NWD1: variants seen among roughly 807,000 people sequenced by gnomAD.
NWD1 encodes the protein NACHT domain- and WD repeat-containing protein 1.
A neutral mutation model predicts 135.1 loss-of-function variants in NWD1; 129 were observed. The observed-to-expected ratio is 0.96, with a 90% confidence interval of 0.83 to 1.11. The LOEUF is 1.11. NWD1 is among the 50% of genes least tolerant of loss of function. The probability of loss-of-function intolerance (pLI) is 0.00; values close to 1 mark genes in which losing one functional copy is unlikely to be tolerated. For synonymous variants in NWD1, 773 were observed against 786.0 expected, an observed-to-expected ratio of 0.98 and a Z score of 0.28; for missense variants, 1,740 against 1,851.3, an observed-to-expected ratio of 0.94 and a Z score of 1.10.
chr19:16,803,134 A>G (rs1412568654), intron 17 of NWD1, among the ~76,000 whole-genome samples: 1 of 152,078 alleles, frequency 6.6e-6, no homozygotes, highest in East Asian at 1.9e-4. Context: ...CCTTTACAAA[A>G]CCATCAGATC....
At chr19:16,747,593 G>C (rs1014425503) in intron 5 of NWD1, among the ~76,000 whole-genome samples, 1 of 151,500 alleles carries the variant, frequency 6.6e-6, no homozygotes, top group African/African-American at 2.4e-5. Flanking sequence ...GGCTGGTCTC[G>C]AACTCCTGAG....
At chr19:16,796,400 T>C (rs1285667038) in intron 15 of NWD1, among the ~76,000 whole-genome samples, 1 of 152,082 alleles carries the variant, frequency 6.6e-6, no homozygotes, top group East Asian at 1.9e-4. Context: ...AGGTGAAGAT[T>C]GCAGTGAGCC....
chr19:16,788,922 TA>T, intron 12 of NWD1, 59 bp from the exon 13 acceptor site: 1 of 1,146,982 alleles, frequency 8.7e-7, no homozygotes, highest in Admixed American at 1.7e-5. Context: ...AGCATTTTAA[TA>T]GTTGCAAGGC....
chr19:16,762,262 A>T, intron 8 of NWD1, 124 bp downstream of exon 8: 1 of 722,788 alleles, frequency 1.4e-6, no homozygotes, highest in East Asian at 2.9e-5. Flanking sequence ...TTCCGCACAG[A>T]GGGCAAGATG....
rs534834276 is a variant in NWD1 at position 16,723,407 on chromosome 19, C to T, written c.-104-959C>T. Among the ~76,000 whole-genome samples the T allele has an allele frequency of 2.0e-5, 3 of 152,230 alleles. No homozygotes were observed. In the South Asian group the frequency reaches 6.2e-4, roughly 32 times the overall value. On this transcript the variant is annotated intron_variant, in intron 1 of 18. Coordinates refer to ENST00000524140, the MANE Select transcript of NWD1 (RefSeq NM_001007525.5). ...AGAAATGGGGTTTCACCATGTTGCC[C>T]AGGCTGGTCTTGAACCCTTGGACTC...
intron 8 of NWD1, 114 bp from the exon 9 acceptor site, chr19:16,763,714 T>C: frequency 7.0e-6 from 5 of 712,926 alleles, no homozygotes; most frequent in Non-Finnish European, 1.0e-5. Context: ...TGTCTTCCAT[T>C]GCATTCTCGT....
At chr19:16,727,922 C>T (rs1038570212) in intron 2 of NWD1, among the ~76,000 whole-genome samples, 10 of 151,920 alleles carry the variant, frequency 6.6e-5, no homozygotes, top group Non-Finnish European at 1.2e-4. Flanking sequence ...ATTAGCTGGG[C>T]GTAGTGGTGG....
chr19:16,754,206 C>T (rs1281548451), intron 6 of NWD1, among the ~76,000 whole-genome samples: 1 of 150,926 alleles, frequency 6.6e-6, no homozygotes, highest in Non-Finnish European at 1.5e-5. Context: ...TCCTTCCGTC[C>T]ATTCTCTCTA....
chr19:16,793,423 G>C (rs1970314828), intron 14 of NWD1, among the ~76,000 whole-genome samples: 1 of 151,870 alleles, frequency 6.6e-6, no homozygotes. Context: ...TTATTTTGTA[G>C]AGGTGGGGGT....
intron 17 of NWD1, among the ~76,000 whole-genome samples, chr19:16,802,287 A>AAAT (rs1970625294): frequency 1.1e-5 from 1 of 94,394 alleles, no homozygotes; most frequent in South Asian, 3.8e-4. Flanking sequence ...ATAAATAAAT[A>AAAT]AATAAAAATA....
chr19:16,799,664 G>A (rs558097650), intron 16 of NWD1, among the ~76,000 whole-genome samples: 11,759 of 151,850 alleles, frequency 0.077, 670 homozygotes, highest in African/African-American at 0.15. Context: ...GCACCACCAA[G>A]CCTGGCTAAT....
chr19:16,759,435 C>A lies in NWD1; in HGVS notation c.1973+7C>A. The A allele has an allele frequency of 6.5e-7, 1 of 1,547,680 alleles. No individual in the cohort carries two copies. The highest frequency in any genetic ancestry group is 1.8e-4 in the Middle Eastern group (1 of 5,488). On this transcript the variant is annotated splice_region_variant and intron_variant, in intron 7 of 18. Transcript: ENST00000524140. ...TCCTGGCCATTGCCCACAGGTAGGT[C>A]CAGGCAGCAGTGGCAGCGACACTGT...
chr19:16,740,059 G>C (rs1968016049), intron 4 of NWD1, among the ~76,000 whole-genome samples: 1 of 151,862 alleles, frequency 6.6e-6, no homozygotes, highest in African/African-American at 2.4e-5. Flanking sequence ...CGCTTTGAGA[G>C]GCTAAAGCCG....
At chr19:16,786,441 G>A (rs575225927) in intron 12 of NWD1, among the ~76,000 whole-genome samples, 1 of 152,224 alleles carries the variant, frequency 6.6e-6, no homozygotes, top group Non-Finnish European at 1.5e-5. Flanking sequence ...TCCCATCACT[G>A]AGGTAGTGAG....
intron 4 of NWD1, among the ~76,000 whole-genome samples, chr19:16,738,641 T>C (rs1967938644): frequency 6.8e-6 from 1 of 146,776 alleles, no homozygotes; most frequent in Non-Finnish European, 1.5e-5. Flanking sequence ...TTCTGAGACC[T>C]AAAGTGTCCC....
At chr19:16,770,577 T>C (rs1347064295) in intron 10 of NWD1, among the ~76,000 whole-genome samples, 4 of 152,080 alleles carry the variant, frequency 2.6e-5, no homozygotes, top group Non-Finnish European at 5.9e-5. Flanking sequence ...CGCTGCCACT[T>C]CTTGGCAGTG....
At chr19:16,775,579 G>A (rs1182517555) in intron 11 of NWD1, among the ~76,000 whole-genome samples, 3 of 152,204 alleles carry the variant, frequency 2.0e-5, no homozygotes, top group Non-Finnish European at 2.9e-5. Flanking sequence ...CCTGGAAGCA[G>A]AACTAAATAT....
rs1969772206 is a variant in NWD1, at chr19:16,779,349, C to T, written c.2615C>T (p.Thr872Ile). The change falls in exon 12 of 19, where the codon ACC becomes ATC. Residue 872 changes from threonine to isoleucine, a missense_variant. Thr to Ile is a moderately conservative substitution (Grantham distance 89, BLOSUM62 -1). Coordinates refer to ENST00000524140, the MANE Select transcript of NWD1 (RefSeq NM_001007525.5). ...TGCCTCTGTGTGGCTGCAGGCATCACCGCCATGGCATGGGGTGTGGAGGAG... is the reference window on the plus strand; with the variant it reads ...TGCCTCTGTGTGGCTGCAGGCATCATCGCCATGGCATGGGGTGTGGAGGAG... ...ATLSGCHKGI[T>I]AMAWGVEEKL... 6.2e-7 allele frequency: 1 copy of T among 1,613,932 alleles called. No homozygotes were observed. Among genetic ancestry groups the T allele is most frequent in the Non-Finnish European group, 8.5e-7 (1 of 1,180,010 alleles).
In NWD1 at chr19:16,773,206, T is replaced by C; in HGVS notation, c.2491T>C (p.Cys831Arg). 7 of 1,613,892 alleles carry C rather than the reference T, an allele frequency of 4.3e-6. No homozygotes were observed. Among genetic ancestry groups the C allele is most frequent in the Non-Finnish European group, 5.9e-6 (7 of 1,180,022 alleles). Residue 831 changes from cysteine to arginine, a missense_variant, in exon 11 of 19, where the codon TGC becomes CGC. Transcript: ENST00000524140. The part of the protein sequence containing the change: ...TSHPALVGQL[C>R]QQAQSWFQLC... ...ACATCCAGCACTGGTGGGACAGCTA[T>C]GCCAACAGGCCCAGAGCTGGTTCCA...
Sources: gnomAD v4.1 joint callset for allele counts (sites outside exome capture counted in the v4.1 genomes callset) on GRCh38, gnomAD v4.1.1 for gene constraint, MANE v1.5 for transcripts, NCBI Gene and HGNC (gene_info 2026-07-23, HGNC 2026-07-21) for gene names.